SEMA3C: variants seen among roughly 807,000 people sequenced by gnomAD.
SEMA3C encodes semaphorin 3C, also known as semaphorin-3C.
SEMA3C carries 47 observed loss-of-function variants against 89.4 expected under a neutral mutation model. That is an observed-to-expected ratio of 0.53 (90% CI 0.42 to 0.67). The LOEUF is 0.67. Ranked by LOEUF, SEMA3C falls within the 30% of genes least tolerant of loss-of-function variation. The pLI is 0.00. For synonymous variants in SEMA3C, 310 were observed against 320.2 expected, an observed-to-expected ratio of 0.97 and a Z score of 0.34; for missense variants, 839 against 929.1, an observed-to-expected ratio of 0.90 and a Z score of 1.26.
intron 2 of SEMA3C, among the ~76,000 whole-genome samples, chr7:80,862,134 G>C (rs1790786561): frequency 6.6e-6 from 1 of 152,080 alleles, no homozygotes. Flanking sequence ...ATCCAAATAG[G>C]TAAAGAGGAA....
chr7:80,768,788 G>A (rs1015304428), intron 12 of SEMA3C, among the ~76,000 whole-genome samples: 2 of 103,314 alleles, frequency 1.9e-5, no homozygotes, highest in Admixed American at 2.0e-4. Context: ...GGCAAGATTT[G>A]TGTGTGTGTG....
At chr7:80,898,725 T>C (rs1288983657) in intron 2 of SEMA3C, among the ~76,000 whole-genome samples, 1 of 151,754 alleles carries the variant, frequency 6.6e-6, no homozygotes, top group African/African-American at 2.4e-5. Context: ...AGGTTTTCAC[T>C]GAAATTACAG....
intron 12 of SEMA3C, among the ~76,000 whole-genome samples, chr7:80,781,377 C>A (rs181613955): frequency 6.6e-6 from 1 of 152,350 alleles, no homozygotes; most frequent in East Asian, 1.9e-4. Context: ...CATTGCAACA[C>A]ATACGACTCT....
intron 4 of SEMA3C, among the ~76,000 whole-genome samples, chr7:80,826,359 T>A (rs1789873334): frequency 1.3e-5 from 2 of 152,268 alleles, no homozygotes; most frequent in South Asian, 2.1e-4. Context: ...GTCTATTACT[T>A]GTTATGACCT....
intron 2 of SEMA3C, among the ~76,000 whole-genome samples, chr7:80,829,417 T>C (rs1789958219): frequency 6.6e-6 from 1 of 152,150 alleles, no homozygotes; most frequent in Non-Finnish European, 1.5e-5. Flanking sequence ...GATTGTCTTC[T>C]TATCCTCTAT....
At chr7:80,887,744 C>T (rs1019450212) in intron 2 of SEMA3C, among the ~76,000 whole-genome samples, 2 of 152,180 alleles carry the variant, frequency 1.3e-5, no homozygotes, top group African/African-American at 4.8e-5. Flanking sequence ...TGGATACATA[C>T]TGACAATTAC....
At chr7:80,890,540 G>A (rs1398174617) in intron 2 of SEMA3C, among the ~76,000 whole-genome samples, 1 of 152,152 alleles carries the variant, frequency 6.6e-6, no homozygotes, top group African/African-American at 2.4e-5. Flanking sequence ...AGGTTTGGCT[G>A]AGTTTATATA....
intron 2 of SEMA3C, among the ~76,000 whole-genome samples, chr7:80,884,168 T>C (rs528797464): frequency 6.6e-6 from 1 of 152,340 alleles, no homozygotes; most frequent in East Asian, 1.9e-4. Context: ...CGATTTTATA[T>C]GCAGACAGAT....
chr7:80,818,079 C>CACAT (rs1362362290), intron 5 of SEMA3C, among the ~76,000 whole-genome samples: 2 of 151,078 alleles, frequency 1.3e-5, no homozygotes, highest in Admixed American at 6.6e-5. Flanking sequence ...CACACACACA[C>CACAT]ATATAATACA....
chr7:80,841,685 C>T (rs974363859), intron 2 of SEMA3C, among the ~76,000 whole-genome samples: 1 of 152,152 alleles, frequency 6.6e-6, no homozygotes, highest in African/African-American at 2.4e-5. Flanking sequence ...CAGCTCTCCC[C>T]ACCAGCAAAA....
intron 4 of SEMA3C, among the ~76,000 whole-genome samples, chr7:80,823,098 C>T (rs1473652427): frequency 6.6e-6 from 1 of 152,186 alleles, no homozygotes; most frequent in African/African-American, 2.4e-5. Context: ...TATTTTTATA[C>T]ACATTTATGT....
intron 11 of SEMA3C, among the ~76,000 whole-genome samples, chr7:80,792,143 T>C (rs1344964695): frequency 6.6e-6 from 1 of 152,174 alleles, no homozygotes; most frequent in Non-Finnish European, 1.5e-5. Flanking sequence ...AAGTATTATA[T>C]TTAAATACAC....
intron 2 of SEMA3C, among the ~76,000 whole-genome samples, chr7:80,913,269 C>G (rs766675539): frequency 3.3e-5 from 5 of 151,988 alleles, no homozygotes; most frequent in Non-Finnish European, 7.4e-5. Flanking sequence ...GGCATGGTGT[C>G]GCACACCTGT....
chr7:80,822,187 A>G (rs1789764583), intron 4 of SEMA3C, among the ~76,000 whole-genome samples: 1 of 152,238 alleles, frequency 6.6e-6, no homozygotes, highest in East Asian at 1.9e-4. Flanking sequence ...AAGAAAGGAG[A>G]GCATAATGTA....
intron 5 of SEMA3C, among the ~76,000 whole-genome samples, chr7:80,817,368 T>C (rs780353630): frequency 6.6e-6 from 1 of 152,180 alleles, no homozygotes; most frequent in Admixed American, 6.5e-5. Flanking sequence ...AAAATTCTAA[T>C]CTCTAAAATC....
chr7:80,777,101 T>C (rs939592632), intron 12 of SEMA3C, among the ~76,000 whole-genome samples: 5 of 151,278 alleles, frequency 3.3e-5, no homozygotes, highest in Non-Finnish European at 5.9e-5. Context: ...ATTTGGTCTT[T>C]AAAGTAAATC....
At chr7:80,868,734 T>C (rs937187053) in intron 2 of SEMA3C, among the ~76,000 whole-genome samples, 2 of 152,144 alleles carry the variant, frequency 1.3e-5, no homozygotes, top group Admixed American at 1.3e-4. Flanking sequence ...GATTATAGTC[T>C]GGAGAAATTC....
chr7:80,891,701 C>A (rs939143845), intron 2 of SEMA3C, among the ~76,000 whole-genome samples: 3 of 151,956 alleles, frequency 2.0e-5, no homozygotes, highest in African/African-American at 7.3e-5. Context: ...AATAGTCTAA[C>A]CCTTCCTGCT....
chr7:80,898,274 G>A (rs760985063), intron 2 of SEMA3C, among the ~76,000 whole-genome samples: 5 of 152,162 alleles, frequency 3.3e-5, no homozygotes, highest in Non-Finnish European at 7.3e-5. Context: ...GCTGGGGCAG[G>A]AGAATCGCTT....
Sources: gnomAD v4.1 joint callset for allele counts (sites outside exome capture counted in the v4.1 genomes callset) on GRCh38, gnomAD v4.1.1 for gene constraint, MANE v1.5 for transcripts, NCBI Gene and HGNC (gene_info 2026-07-23, HGNC 2026-07-21) for gene names.